The following SCAF4 variants were observed in gnomAD, a reference collection of about 807,000 sequenced individuals.
The protein encoded by SCAF4 is SR-related CTD associated factor 4, also known as SR-related and CTD-associated factor 4.
A neutral mutation model predicts 129.8 loss-of-function variants in SCAF4; 25 were observed. The observed-to-expected ratio is 0.19, with a 90% confidence interval of 0.14 to 0.27. The LOEUF (loss-of-function observed/expected upper bound fraction) is 0.27, where lower values mean the gene tolerates loss of function less well. SCAF4 is among the 10% of genes least tolerant of loss of function. SCAF4 has a pLI of 1.00. For missense variants in SCAF4, 1,246 were observed against 1,457.1 expected (o/e 0.86, Z 2.36); for synonymous variants, 551 against 497.7 (o/e 1.11, Z -1.43).
At chr21:31,691,359 A>C (rs763156717) in intron 14 of SCAF4, among the ~76,000 whole-genome samples, 2 of 152,222 alleles carry the variant, frequency 1.3e-5, no homozygotes, top group Non-Finnish European at 2.9e-5. Context: ...CAGCGGTAGA[A>C]TGGGGTGTTA....
At chr21:31,717,042 A>C (rs559588585) in intron 1 of SCAF4, among the ~76,000 whole-genome samples, 1 of 152,212 alleles carries the variant, frequency 6.6e-6, no homozygotes, top group East Asian at 1.9e-4. Context: ...ATCAATAATC[A>C]AAGTACAAAT....
At chr21:31,723,456 AAAAAC>A (rs952992418) in intron 1 of SCAF4, among the ~76,000 whole-genome samples, 5 of 152,250 alleles carry the variant, frequency 3.3e-5, no homozygotes, top group East Asian at 1.9e-4. Context: ...CCGTCTCAAA[AAAAAC>A]AAAACAAAAC....
intron 7 of SCAF4, among the ~76,000 whole-genome samples, chr21:31,699,349 A>T (rs1161640014): frequency 6.6e-6 from 1 of 152,254 alleles, no homozygotes; most frequent in African/African-American, 2.4e-5. Context: ...GAGTTTTCCT[A>T]ATCACAACAT....
At chr21:31,687,760 A>C (rs2050160100) in intron 16 of SCAF4, among the ~76,000 whole-genome samples, 1 of 152,198 alleles carries the variant, frequency 6.6e-6, no homozygotes, top group African/African-American at 2.4e-5. Context: ...GAAACTTGAT[A>C]CTGAATAATC....
intron 16 of SCAF4, among the ~76,000 whole-genome samples, 182 bp downstream of exon 16, chr21:31,688,114 CAAAAAAAAAAA>C (rs61592268): frequency 0.035 from 386 of 10,900 alleles, 4 homozygotes; most frequent in African/African-American, 0.11. Flanking sequence ...GACTCTGTCT[CAAAAAAAAAAA>C]AAAAAAAAAA....
chr21:31,729,510 T>C (rs1335020264), intron 1 of SCAF4, among the ~76,000 whole-genome samples: 1 of 152,204 alleles, frequency 6.6e-6, no homozygotes, highest in East Asian at 1.9e-4. Context: ...GCTGTGCAGG[T>C]GAGCAGGCAC....
chr21:31,716,081 G>A (rs994737089), intron 1 of SCAF4, among the ~76,000 whole-genome samples: 1 of 152,012 alleles, frequency 6.6e-6, no homozygotes, highest in Admixed American at 6.5e-5. Context: ...AAGTTGCCGA[G>A]GCAATAAGAA....
chr21:31,685,175 C>A lies in SCAF4; in HGVS notation c.2362G>T (p.Val788Leu). ...DLSIGNPIPT[V>L]VSGARGNAES... Reference sequence around the variant, plus strand: ...GCGTTTCCTCTAGCCCCAGACACCACTGTTGGAATGGGATTTCCAATAGAT... The same window carrying A: ...GCGTTTCCTCTAGCCCCAGACACCAATGTTGGAATGGGATTTCCAATAGAT... The change falls in exon 19 of 20, where the codon GTG (valine) becomes TTG (leucine). Residue 788 changes from valine (V) to leucine (L), a missense_variant. Around this residue, in one of 6 missense-constraint regions of SCAF4, gnomAD observed 468 missense variants for 605.5 expected, o/e 0.77. Transcript: ENST00000286835. The A allele has an allele frequency of 6.2e-7, 1 of 1,612,752 alleles. No individual in the cohort carries two copies. Among genetic ancestry groups the A allele is most frequent in the Non-Finnish European group, 8.5e-7 (1 of 1,179,400 alleles).
At chr21:31,692,572 A>C (rs1041540502) in intron 12 of SCAF4, 123 bp from the exon 13 acceptor site, 1 of 598,826 alleles carries the variant, frequency 1.7e-6, no homozygotes, top group Non-Finnish European at 2.9e-6. Flanking sequence ...AAGTTTAAAT[A>C]GTAAATCTCA....
intron 7 of SCAF4, 134 bp from the exon 8 acceptor site, chr21:31,696,884 C>G: frequency 2.9e-6 from 2 of 695,488 alleles, no homozygotes; most frequent in Non-Finnish European, 4.7e-6. Flanking sequence ...TTCCCTTATG[C>G]CCCTCAGGAC....
chr21:31,677,360 A>G (rs989184051), intron 19 of SCAF4, among the ~76,000 whole-genome samples: 1 of 152,118 alleles, frequency 6.6e-6, no homozygotes, highest in Non-Finnish European at 1.5e-5. Context: ...CATCTTTCAG[A>G]AACAAGAACA....
rs1309494710 is a variant in SCAF4, at chr21:31,685,745, G to T, written c.2044-12C>A. ...TGATGTGGTGGGACCTAGAAAGAAA[G>T]ATAAAAGAATAAACCACCTATCTAG... On this transcript the variant is annotated splice_polypyrimidine_tract_variant and intron_variant, in intron 16 of 19. Coordinates refer to ENST00000286835, the MANE Select transcript of SCAF4 (RefSeq NM_020706.2). 1 of 1,559,930 alleles carries T rather than the reference G, an allele frequency of 6.4e-7. No homozygotes were observed. The highest frequency in any genetic ancestry group is 8.6e-7 in the Non-Finnish European group (1 of 1,158,296).
intron 6 of SCAF4, among the ~76,000 whole-genome samples, chr21:31,701,521 G>A (rs903954593): frequency 8.5e-5 from 13 of 152,190 alleles, no homozygotes; most frequent in Non-Finnish European, 4.4e-5. Context: ...CTAGAATTGT[G>A]AGCAACATGA....
intron 15 of SCAF4, 48 bp downstream of exon 15, chr21:31,690,749 C>T (rs751625178): frequency 6.4e-7 from 1 of 1,555,128 alleles, no homozygotes; most frequent in Non-Finnish European, 8.8e-7. Context: ...GTCATATGTA[C>T]TACCAAGCAA....
intron 1 of SCAF4, among the ~76,000 whole-genome samples, chr21:31,712,005 A>T (rs1032076231): frequency 1.4e-4 from 21 of 152,308 alleles, no homozygotes; most frequent in African/African-American, 4.8e-4. Flanking sequence ...ATACTGATCA[A>T]ATTTCAATTT....
At chr21:31,708,740 T>TC (rs1242989431) in intron 1 of SCAF4, among the ~76,000 whole-genome samples, 1 of 152,178 alleles carries the variant, frequency 6.6e-6, no homozygotes, top group Admixed American at 6.5e-5. Context: ...CTAGAAACCC[T>TC]CCCTTCCTTG....
intron 1 of SCAF4, among the ~76,000 whole-genome samples, chr21:31,708,542 A>G (rs1285677302): frequency 1.3e-5 from 2 of 152,228 alleles, no homozygotes; most frequent in Admixed American, 1.3e-4. Context: ...TATAAAAGGT[A>G]TATTCTGTTA....
chr21:31,693,603 T>C (rs1176997109), intron 11 of SCAF4, 119 bp from the exon 12 acceptor site: 3 of 519,210 alleles, frequency 5.8e-6, no homozygotes, highest in Non-Finnish European at 9.2e-6. Flanking sequence ...TATGTAAGAA[T>C]GCAATACCTG....
intron 19 of SCAF4, among the ~76,000 whole-genome samples, chr21:31,681,459 T>C (rs992224257): frequency 6.6e-6 from 1 of 152,172 alleles, no homozygotes; most frequent in African/African-American, 2.4e-5. Flanking sequence ...GTTGTACATA[T>C]TAGAGATACA....
Sources: gnomAD v4.1 joint callset for allele counts (sites outside exome capture counted in the v4.1 genomes callset) on GRCh38, gnomAD v4.1.1 for gene constraint, gnomAD v4.1.1 regional missense constraint, MANE v1.5 for transcripts, NCBI Gene and HGNC (gene_info 2026-07-23, HGNC 2026-07-21) for gene names.